PCDH9: variants seen among roughly 807,000 people sequenced by gnomAD.
PCDH9 encodes protocadherin 9, also known as protocadherin-9.
Under a neutral mutation model 70.6 loss-of-function variants are expected in PCDH9, and 24 were observed. That is an observed-to-expected ratio of 0.34 (90% CI 0.25 to 0.48). The LOEUF is 0.48. Ranked by LOEUF, PCDH9 falls within the 20% of genes least tolerant of loss-of-function variation. PCDH9 has a pLI of 0.99. For missense variants in PCDH9, 1,281 were observed against 1,503.6 expected (o/e 0.85, Z 2.45); for synonymous variants, 562 against 558.5 (o/e 1.01, Z -0.09).
At chr13:66,691,975 T>G (rs1792185550) in intron 3 of PCDH9, among the ~76,000 whole-genome samples, 1 of 152,192 alleles carries the variant, frequency 6.6e-6, no homozygotes, top group Admixed American at 6.5e-5. Context: ...AAATCCACCA[T>G]TATTCATCCA....
chr13:66,886,697 C>G (rs563658451), intron 3 of PCDH9, among the ~76,000 whole-genome samples: 5 of 152,218 alleles, frequency 3.3e-5, no homozygotes, highest in African/African-American at 9.6e-5. Flanking sequence ...ATTATTATAA[C>G]TAGGTATCAG....
intron 2 of PCDH9, among the ~76,000 whole-genome samples, chr13:67,199,515 G>A (rs906363439): frequency 1.3e-5 from 2 of 151,900 alleles, no homozygotes; most frequent in Admixed American, 6.6e-5. Flanking sequence ...TTTGGATAAT[G>A]TATCAATGTG....
At chr13:66,694,559 T>C (rs1375332831) in intron 3 of PCDH9, among the ~76,000 whole-genome samples, 1 of 152,184 alleles carries the variant, frequency 6.6e-6, no homozygotes, top group Non-Finnish European at 1.5e-5. Flanking sequence ...TAAAAATTTA[T>C]GACTGCTACA....
At chr13:67,144,030 A>T (rs1362655167) in intron 2 of PCDH9, among the ~76,000 whole-genome samples, 3 of 152,118 alleles carry the variant, frequency 2.0e-5, no homozygotes, top group African/African-American at 4.8e-5. Flanking sequence ...AAAGGGCAAA[A>T]CTATCTCAAA....
intron 2 of PCDH9, among the ~76,000 whole-genome samples, chr13:67,152,208 T>A (rs1443705947): frequency 6.6e-6 from 1 of 152,162 alleles, no homozygotes; most frequent in Non-Finnish European, 1.5e-5. Flanking sequence ...TGTTTTACTG[T>A]TGATAGGAAA....
chr13:66,740,385 G>T (rs201202731), intron 3 of PCDH9, among the ~76,000 whole-genome samples: 19,476 of 85,400 alleles, frequency 0.23, 1,875 homozygotes, highest in East Asian at 0.39. Flanking sequence ...ACAAGAGAAA[G>T]CAGGAAAGAT....
intron 3 of PCDH9, among the ~76,000 whole-genome samples, chr13:66,768,158 T>C (rs2079748684): frequency 6.6e-6 from 1 of 152,126 alleles, no homozygotes. Flanking sequence ...TATTTATGAC[T>C]TCTATTATTT....
intron 2 of PCDH9, among the ~76,000 whole-genome samples, chr13:67,171,885 C>A (rs991455538): frequency 8.5e-5 from 13 of 152,152 alleles, no homozygotes; most frequent in African/African-American, 3.1e-4. Context: ...AGAGCGGTGT[C>A]ATTTATTTCC....
chr13:66,674,800 T>C (rs1294160492), intron 3 of PCDH9, among the ~76,000 whole-genome samples: 1 of 152,090 alleles, frequency 6.6e-6, no homozygotes, highest in Non-Finnish European at 1.5e-5. Flanking sequence ...ATTATAAACA[T>C]CACAGAACAA....
intron 3 of PCDH9, among the ~76,000 whole-genome samples, chr13:66,844,600 G>C (rs917657835): frequency 2.2e-5 from 3 of 139,000 alleles, no homozygotes; most frequent in Non-Finnish European, 4.8e-5. Flanking sequence ...AAAAAAAAAA[G>C]TCCCTAAAAT....
At chr13:67,132,470 T>C (rs1444252239) in intron 2 of PCDH9, among the ~76,000 whole-genome samples, 1 of 152,144 alleles carries the variant, frequency 6.6e-6, no homozygotes, top group Non-Finnish European at 1.5e-5. Context: ...CTCTCTAGTG[T>C]ATTTACCAAC....
chr13:66,659,553 T>TGTGTG (rs59132032), intron 3 of PCDH9, among the ~76,000 whole-genome samples: 9 of 148,758 alleles, frequency 6.1e-5, no homozygotes, highest in African/African-American at 1.8e-4. Context: ...GTGTGTGTGT[T>TGTGTG]TGTGTGTGTT....
intron 3 of PCDH9, among the ~76,000 whole-genome samples, chr13:66,699,618 G>A (rs2078610479): frequency 6.6e-6 from 1 of 152,160 alleles, no homozygotes. Context: ...GCCACCAGAA[G>A]CTGGGAGAGA....
chr13:67,089,629 TC>T (rs1197149638), intron 2 of PCDH9, among the ~76,000 whole-genome samples: 1 of 152,002 alleles, frequency 6.6e-6, no homozygotes, highest in African/African-American at 2.4e-5. Flanking sequence ...AAAAATGAGC[TC>T]CAGAAATGTA....
intron 4 of PCDH9, among the ~76,000 whole-genome samples, chr13:66,474,977 G>C (rs1237563914): frequency 6.6e-6 from 1 of 151,912 alleles, no homozygotes; most frequent in African/African-American, 2.4e-5. Flanking sequence ...TTTCTCTATG[G>C]GTTAATGTTA....
At chr13:67,021,506 G>A (rs567417063) in intron 2 of PCDH9, among the ~76,000 whole-genome samples, 1 of 152,034 alleles carries the variant, frequency 6.6e-6, no homozygotes, top group Non-Finnish European at 1.5e-5. Flanking sequence ...TATACTTCTG[G>A]GTTTAAAAGT....
At chr13:66,915,929 G>A (rs899601701) in intron 2 of PCDH9, among the ~76,000 whole-genome samples, 27 of 151,702 alleles carry the variant, frequency 1.8e-4, no homozygotes, top group African/African-American at 6.5e-4. Context: ...AATTGTGCTT[G>A]CAAGTAAGAA....
chr13:66,989,417 T>A (rs1319445443), intron 2 of PCDH9, among the ~76,000 whole-genome samples: 1 of 151,932 alleles, frequency 6.6e-6, no homozygotes, highest in East Asian at 1.9e-4. Context: ...AAAATTTAAT[T>A]TCATCTTTCC....
intron 3 of PCDH9, among the ~76,000 whole-genome samples, chr13:66,660,613 C>T (rs1436129927): frequency 6.6e-6 from 1 of 152,062 alleles, no homozygotes; most frequent in Non-Finnish European, 1.5e-5. Context: ...TAAGATTGCA[C>T]AATACAAATA....
Sources: allele counts gnomAD v4.1 joint callset (sites outside exome capture counted in the v4.1 genomes callset), GRCh38; gene constraint gnomAD v4.1.1; transcripts MANE v1.5; gene names NCBI Gene and HGNC (gene_info 2026-07-23, HGNC 2026-07-21).